Variants in ENTREP2 observed in about 807,000 individuals in gnomAD.
ENTREP2 encodes the protein endosomal transmembrane epsin interactor 2.
At chr15:29,652,442 A>G in the ENTREP2 span, among the ~76,000 whole-genome samples, 5 of 152,192 alleles carry the variant, frequency 3.3e-5, no homozygotes, top group Non-Finnish European at 7.4e-5. Flanking sequence ...CAAGGTGCCA[A>G]ATGGCAAGTC....
chr15:29,657,483 C>CGGGGGGGGGGG, the ENTREP2 span, among the ~76,000 whole-genome samples: 16 of 69,418 alleles, frequency 2.3e-4, no homozygotes, highest in Middle Eastern at 7.5e-3. Flanking sequence ...GCTGGGGGGG[C>CGGGGGGGGGGG]GGGGGGGGGG....
chr15:29,357,700 G>T, the ENTREP2 span, among the ~76,000 whole-genome samples: 2 of 152,040 alleles, frequency 1.3e-5, no homozygotes, highest in African/African-American at 4.8e-5. Context: ...TTAGCCGGGC[G>T]TGGTGGCGGG....
At chr15:29,505,027 A>G in the ENTREP2 span, among the ~76,000 whole-genome samples, 343 of 152,394 alleles carry the variant, frequency 2.3e-3, 1 homozygote, top group African/African-American at 7.7e-3. This position sits in a 1 kb window ranked among gnomAD's most constrained non-coding sequence, Gnocchi z 4.3. Flanking sequence ...AGGAGAAAAA[A>G]TGTCCAACAA....
the ENTREP2 span, among the ~76,000 whole-genome samples, chr15:29,306,654 A>G: frequency 7.0e-6 from 1 of 143,494 alleles, no homozygotes; most frequent in East Asian, 2.0e-4. Flanking sequence ...ATACTGAAAA[A>G]TAATTGGTAA....
chr15:29,455,444 T>G, the ENTREP2 span, among the ~76,000 whole-genome samples: 1 of 152,238 alleles, frequency 6.6e-6, no homozygotes, highest in South Asian at 2.1e-4. Context: ...CTGCCATTAT[T>G]ACTACTATTA....
At chr15:29,286,642 G>T in the ENTREP2 span, among the ~76,000 whole-genome samples, 1 of 152,178 alleles carries the variant, frequency 6.6e-6, no homozygotes, top group African/African-American at 2.4e-5. Context: ...CTCTGGCCAC[G>T]GTCCCCACTG....
At chr15:29,421,240 G>C in the ENTREP2 span, among the ~76,000 whole-genome samples, 1 of 152,208 alleles carries the variant, frequency 6.6e-6, no homozygotes, top group African/African-American at 2.4e-5. Context: ...TAGTGAAAGT[G>C]AACATACCAC....
At chr15:29,433,772 C>T in the ENTREP2 span, among the ~76,000 whole-genome samples, 37 of 84,502 alleles carry the variant, frequency 4.4e-4, no homozygotes, top group African/African-American at 1.7e-3. Context: ...AACACAGACT[C>T]CTCCATGGGA....
chr15:29,291,268 C>T, the ENTREP2 span, among the ~76,000 whole-genome samples: 1 of 152,180 alleles, frequency 6.6e-6, no homozygotes, highest in African/African-American at 2.4e-5. Context: ...GTTACTGCAG[C>T]ATAGACTATC....
chr15:29,629,758 T>G, the ENTREP2 span, among the ~76,000 whole-genome samples: 1 of 152,226 alleles, frequency 6.6e-6, no homozygotes, highest in Non-Finnish European at 1.5e-5. Flanking sequence ...CATTCTGTAT[T>G]TCCTTTCCTC....
At chr15:29,448,979 G>A in the ENTREP2 span, among the ~76,000 whole-genome samples, 1 of 152,130 alleles carries the variant, frequency 6.6e-6, no homozygotes, top group Non-Finnish European at 1.5e-5. Flanking sequence ...CTGGCCTGAA[G>A]GTCTCCAGCC....
chr15:29,275,511 C>T, the ENTREP2 span, among the ~76,000 whole-genome samples: 6 of 152,176 alleles, frequency 3.9e-5, no homozygotes, highest in Non-Finnish European at 7.3e-5. Context: ...TTTTCAAACA[C>T]TTTATGTTAA....
At chr15:29,448,058 A>C in the ENTREP2 span, among the ~76,000 whole-genome samples, 1 of 152,020 alleles carries the variant, frequency 6.6e-6, no homozygotes, top group African/African-American at 2.4e-5. Context: ...TGGGTGATGG[A>C]GCGAGACTCT....
At chr15:29,262,914 G>A in the ENTREP2 span, among the ~76,000 whole-genome samples, 1 of 152,164 alleles carries the variant, frequency 6.6e-6, no homozygotes, top group Non-Finnish European at 1.5e-5. Context: ...GCTGGTATCT[G>A]CTGCTTCCTC....
chr15:29,520,937 T>C, the ENTREP2 span, among the ~76,000 whole-genome samples: 1 of 152,170 alleles, frequency 6.6e-6, no homozygotes, highest in Non-Finnish European at 1.5e-5. Context: ...TGGGAAGATA[T>C]AATGTATTCA....
the ENTREP2 span, among the ~76,000 whole-genome samples, chr15:29,543,139 G>C: frequency 8.2e-6 from 1 of 122,436 alleles, no homozygotes. Context: ...TGCTTTTAAT[G>C]AGACTGTCTA....
the ENTREP2 span, among the ~76,000 whole-genome samples, chr15:29,538,098 T>C: frequency 6.6e-6 from 1 of 152,314 alleles, no homozygotes; most frequent in East Asian, 1.9e-4. Context: ...GAATGCACGC[T>C]GTAGGAGGGT....
At chr15:29,628,739 T>C in the ENTREP2 span, among the ~76,000 whole-genome samples, 1 of 152,170 alleles carries the variant, frequency 6.6e-6, no homozygotes, top group African/African-American at 2.4e-5. Context: ...TGTGTGTTTT[T>C]GGATGGTTGC....
chr15:29,159,604 T>C, the ENTREP2 span, among the ~76,000 whole-genome samples: 2 of 152,198 alleles, frequency 1.3e-5, no homozygotes, highest in Admixed American at 1.3e-4. Context: ...TTATAATTCC[T>C]GAGCTAGACA....
Sources: allele counts gnomAD v4.1 joint callset (sites outside exome capture counted in the v4.1 genomes callset), GRCh38; gene constraint gnomAD v4.1.1; non-coding constraint Gnocchi (gnomAD v3.1); transcripts MANE v1.5; gene names NCBI Gene and HGNC (gene_info 2026-07-23, HGNC 2026-07-21).